CERS6: variants seen among roughly 807,000 people sequenced by gnomAD.
The protein encoded by CERS6 is ceramide synthase 6.
CERS6 carries 26 observed loss-of-function variants against 56.8 expected under a neutral mutation model. The observed-to-expected ratio is 0.46, with a 90% CI of 0.34 to 0.63. The LOEUF (loss-of-function observed/expected upper bound fraction) is 0.63. Among genes scored for constraint, CERS6 ranks in the 30% least tolerant of loss-of-function variants. The pLI, the probability that CERS6 is intolerant of heterozygous loss-of-function variation, is 0.01. For missense variants in CERS6, 415 were observed against 467.5 expected, an observed-to-expected ratio of 0.89 and a Z score of 1.04; for synonymous variants, 164 against 173.3, an observed-to-expected ratio of 0.95 and a Z score of 0.42.
intron 8 of CERS6, among the ~76,000 whole-genome samples, chr2:168,739,052 A>ATTTTTTTT (rs59967315): frequency 1.8e-4 from 16 of 87,622 alleles, no homozygotes; most frequent in African/African-American, 2.5e-4. Flanking sequence ...CACCCGGCTA[A>ATTTTTTTT]TTTTTTTTTT....
In CERS6 at chr2:168,648,597, T is replaced by G. The variant is rs541089936; in HGVS notation, c.465+17555T>G. Among the ~76,000 whole-genome samples the G allele has an allele frequency of 5.3e-5, 8 of 152,332 alleles. No homozygotes were observed. In the South Asian group the frequency reaches 1.7e-3, roughly 32 times the overall value. On this transcript the variant is annotated intron_variant, in intron 4 of 9. Coordinates refer to ENST00000305747, the MANE Select transcript of CERS6 (RefSeq NM_203463.3). ...GTTCATTTGTTCTTGTTCCTTTAAT[T>G]CTTTCAGTTATGATGTTAGGTTGTT...
intron 8 of CERS6, among the ~76,000 whole-genome samples, chr2:168,754,216 G>C (rs1016103335): frequency 2.6e-5 from 4 of 152,304 alleles, no homozygotes; most frequent in Middle Eastern, 3.4e-3. Flanking sequence ...AGGAGGGTCT[G>C]TTTCTTGGGA....
chr2:168,642,247 C>T (rs1685069076), intron 4 of CERS6, among the ~76,000 whole-genome samples: 2 of 152,036 alleles, frequency 1.3e-5, no homozygotes, highest in South Asian at 2.1e-4. Flanking sequence ...GTGGCTGAGG[C>T]GGGCAGGTCT....
chr2:168,741,237 A>T (rs1354972341), intron 8 of CERS6, among the ~76,000 whole-genome samples: 1 of 152,170 alleles, frequency 6.6e-6, no homozygotes, highest in Non-Finnish European at 1.5e-5. Context: ...TGGAGCTATG[A>T]TGATTAATAA....
At chr2:168,566,810 A>AAAC in intron 3 of CERS6, among the ~76,000 whole-genome samples, 1 of 138,476 alleles carries the variant, frequency 7.2e-6, no homozygotes, top group East Asian at 1.9e-4. Context: ...CAAAAAAAAA[A>AAAC]AAACCCTGAA....
intron 4 of CERS6, among the ~76,000 whole-genome samples, chr2:168,682,306 T>C (rs1686238055): frequency 6.6e-6 from 1 of 152,154 alleles, no homozygotes. Context: ...AGTTAATATA[T>C]GAACATAAGA....
chr2:168,614,345 T>G (rs1215234126), intron 3 of CERS6, among the ~76,000 whole-genome samples: 1 of 152,258 alleles, frequency 6.6e-6, no homozygotes, highest in Non-Finnish European at 1.5e-5. Context: ...ACTTGTATTT[T>G]CTTTACAAAC....
intron 3 of CERS6, among the ~76,000 whole-genome samples, chr2:168,566,101 G>T (rs964108961): frequency 6.6e-6 from 1 of 152,180 alleles, no homozygotes; most frequent in South Asian, 2.1e-4. Context: ...CTTTCATTTG[G>T]ACCCTGCCTG....
intron 1 of CERS6, among the ~76,000 whole-genome samples, chr2:168,477,953 G>T (rs369624550): frequency 9.2e-5 from 14 of 152,162 alleles, no homozygotes; most frequent in African/African-American, 3.1e-4. Flanking sequence ...TTTTATAAAG[G>T]CTTCCTATGC....
At position 168,660,396 on chromosome 2, in the gene CERS6, T is replaced by C. The variant is rs183135558; in HGVS notation, c.465+29354T>C. ...ATTGTTTTTTCCTGCTTTCTAACAG[T>C]CTCTCTTTGTTTATAAGGGCCCTGG... On this transcript the variant is annotated intron_variant, in intron 4 of 9. Transcript: ENST00000305747. Among the ~76,000 whole-genome samples the C allele has an allele frequency of 6.4e-4, 97 of 152,276 alleles. No homozygotes were observed. In the Middle Eastern group the frequency reaches 0.024, roughly 37 times the overall value.
intron 9 of CERS6, 101 bp downstream of exon 9, chr2:168,765,849 A>G (rs948887154): frequency 1.8e-6 from 2 of 1,115,734 alleles, no homozygotes; most frequent in Non-Finnish European, 2.5e-6. Flanking sequence ...CAAAATTGGT[A>G]GTATTTCTTC....
intron 8 of CERS6, among the ~76,000 whole-genome samples, chr2:168,738,751 A>C (rs957254478): frequency 6.6e-6 from 1 of 152,244 alleles, no homozygotes; most frequent in African/African-American, 2.4e-5. Flanking sequence ...CAGGGATACA[A>C]AATGAATGTA....
chr2:168,522,564 G>A (rs938909891), intron 1 of CERS6, among the ~76,000 whole-genome samples: 1 of 151,464 alleles, frequency 6.6e-6, no homozygotes, highest in Non-Finnish European at 1.5e-5. Context: ...ACAGGGTCTC[G>A]CTCTGTTGCT....
In CERS6 at chr2:168,769,583, C is replaced by A; in HGVS notation, c.1076C>A (p.Pro359His). The A allele has an allele frequency of 6.2e-7, 1 of 1,612,292 alleles. No individual in the cohort carries two copies. Among genetic ancestry groups the A allele is most frequent in the Non-Finnish European group, 8.5e-7 (1 of 1,179,420 alleles). ...EEDSEPPGKNPHTATTTNGTS... is the reference protein window; with the variant it reads ...EEDSEPPGKNHHTATTTNGTS... ...GACTCAGAACCTCCGGGAAAGAATC[C>A]CCACACTGCGACAACCACCAATGGG... is the stretch of plus-strand genomic sequence containing the variant. The change falls in exon 10 of 10, where the codon CCC becomes CAC. Residue 359 changes from proline to histidine, a missense_variant. Coordinates refer to ENST00000305747, the MANE Select transcript of CERS6 (RefSeq NM_203463.3).
chr2:168,635,364 C>G (rs748994562), intron 4 of CERS6, among the ~76,000 whole-genome samples: 2 of 152,220 alleles, frequency 1.3e-5, no homozygotes, highest in Non-Finnish European at 2.9e-5. Context: ...TGAACTGCTA[C>G]TGCTGGAGTG....
chr2:168,771,439 A>T lies in CERS6; in HGVS notation c.*1777A>T, dbSNP rs1394847988. On this transcript the variant is annotated 3_prime_UTR_variant, in exon 10 of 10. Coordinates refer to ENST00000305747, the MANE Select transcript of CERS6 (RefSeq NM_203463.3). The stretch of plus-strand genomic sequence containing the variant: ...CATCTGCTTGTTTATTGAGAAAACG[A>T]TGCAAATAATTCTGCTTTTAGAGCC... The T allele has an allele frequency of 6.6e-6, 1 of 152,224 alleles. No individual in the cohort carries two copies. Among genetic ancestry groups the T allele is most frequent in the Non-Finnish European group, 1.5e-5 (1 of 68,044 alleles). The allele number at this position is 152,224 out of a possible 1,614,324, so 9.4% of individuals were successfully genotyped here.
intron 3 of CERS6, among the ~76,000 whole-genome samples, chr2:168,575,921 C>T (rs954498648): frequency 2.6e-5 from 4 of 152,046 alleles, no homozygotes; most frequent in Non-Finnish European, 4.4e-5. Context: ...TTTAGGAAAC[C>T]GTGGATATTT....
intron 4 of CERS6, among the ~76,000 whole-genome samples, chr2:168,688,999 A>T (rs753328341): frequency 6.6e-6 from 1 of 152,150 alleles, no homozygotes; most frequent in Non-Finnish European, 1.5e-5. Context: ...TTAGAGTTAT[A>T]CCTTGCCCTC....
intron 4 of CERS6, among the ~76,000 whole-genome samples, chr2:168,668,590 G>T (rs1246217637): frequency 6.6e-6 from 1 of 151,820 alleles, no homozygotes; most frequent in Admixed American, 6.6e-5. Flanking sequence ...GGGATTACAG[G>T]TACCTGCCAC....
Sources: allele counts gnomAD v4.1 joint callset (sites outside exome capture counted in the v4.1 genomes callset), GRCh38; gene constraint gnomAD v4.1.1; transcripts MANE v1.5; gene names NCBI Gene and HGNC (gene_info 2026-07-23, HGNC 2026-07-21).